PDK1: variants seen among roughly 807,000 people sequenced by gnomAD.
PDK1 encodes the protein [Pyruvate dehydrogenase (acetyl-transferring)] kinase isozyme 1, mitochondrial.
A neutral mutation model predicts 54.2 loss-of-function variants in PDK1; 39 were observed. The ratio of observed to expected loss-of-function variants is 0.72; its 90% CI spans 0.56 to 0.94. The LOEUF is 0.94. Ranked by LOEUF, PDK1 falls within the 40% of genes least tolerant of loss-of-function variation. The probability of loss-of-function intolerance (pLI) is 0.00; values close to 1 mark genes in which losing one functional copy is unlikely to be tolerated. For missense variants in PDK1, 552 were observed against 566.0 expected, an observed-to-expected ratio of 0.98 and a Z score of 0.25; for synonymous variants, 221 against 207.1, an observed-to-expected ratio of 1.07 and a Z score of -0.58.
chr2:172,637,808 GCCT>G, the PDK1 span, among the ~76,000 whole-genome samples: 3 of 152,136 alleles, frequency 2.0e-5, no homozygotes, highest in African/African-American at 7.2e-5. Context: ...CAATTCTCGT[GCCT>G]CAGCCTCCCG....
the PDK1 span, among the ~76,000 whole-genome samples, chr2:172,637,826 G>A: frequency 6.6e-6 from 1 of 152,224 alleles, no homozygotes; most frequent in Admixed American, 6.5e-5. Context: ...CTCCCGAGCA[G>A]CTGGGACTAC....
chr2:172,701,507 T>C, the PDK1 span, among the ~76,000 whole-genome samples: 2 of 152,172 alleles, frequency 1.3e-5, no homozygotes, highest in South Asian at 2.1e-4. Context: ...CTGGTGAAGA[T>C]TTGTAAGCCC....
the PDK1 span, among the ~76,000 whole-genome samples, chr2:172,687,315 A>T: frequency 5.3e-5 from 8 of 151,934 alleles, no homozygotes; most frequent in Admixed American, 5.2e-4. Flanking sequence ...CTATGAAATT[A>T]TCATTTATTT....
At chr2:172,560,565 A>G (rs1292190735) in intron 2 of PDK1, among the ~76,000 whole-genome samples, 1 of 152,212 alleles carries the variant, frequency 6.6e-6, no homozygotes, top group Non-Finnish European at 1.5e-5. Context: ...TCAAACCCCC[A>G]TTTGTCCATC....
chr2:172,598,757 G>C lies in PDK1; in HGVS notation c.*2788G>C, dbSNP rs1263532951. ...CATATTATTTTATAAAATGTTTTCTGTATGGCAATAAACTGAAAACATGGA... is the reference window on the plus strand; with the variant it reads ...CATATTATTTTATAAAATGTTTTCTCTATGGCAATAAACTGAAAACATGGA... On this transcript the variant is annotated 3_prime_UTR_variant, in exon 11 of 11. Coordinates refer to ENST00000282077, the MANE Select transcript of PDK1 (RefSeq NM_002610.5). 1 of 152,142 alleles carries C rather than the reference G, an allele frequency of 6.6e-6. No individual in the cohort carries two copies. Among genetic ancestry groups the C allele is most frequent in the Non-Finnish European group, 1.5e-5 (1 of 68,010 alleles). 9.4% of individuals were successfully genotyped at this position (152,142 alleles called of 1,614,324 possible). A position where few individuals can be genotyped will look rare whatever the true frequency, so the allele number is the denominator to read the frequency against.
chr2:172,570,622 T>C, intron 7 of PDK1, 104 bp from the exon 8 acceptor site: 2 of 563,096 alleles, frequency 3.6e-6, no homozygotes, highest in Middle Eastern at 2.7e-4. Context: ...CTTTGGCATA[T>C]TTCCATCAAA....
chr2:172,702,845 C>A, the PDK1 span, among the ~76,000 whole-genome samples: 1 of 152,128 alleles, frequency 6.6e-6, no homozygotes, highest in African/African-American at 2.4e-5. Context: ...GTACCCTGCC[C>A]ATATTCTCTT....
At chr2:172,584,113 T>C (rs1387527028) in intron 8 of PDK1, among the ~76,000 whole-genome samples, 3 of 152,150 alleles carry the variant, frequency 2.0e-5, no homozygotes, top group Admixed American at 6.5e-5. Context: ...TACGAACATA[T>C]CAGAAAGTTT....
chr2:172,590,311 T>G (rs1213692821), intron 9 of PDK1, among the ~76,000 whole-genome samples: 1 of 152,228 alleles, frequency 6.6e-6, no homozygotes, highest in Non-Finnish European at 1.5e-5. Context: ...TCTGGTAGGT[T>G]CTTGGTCTTG....
the PDK1 span, among the ~76,000 whole-genome samples, chr2:172,639,051 A>C: frequency 2.0e-5 from 3 of 152,358 alleles, no homozygotes; most frequent in African/African-American, 7.2e-5. Context: ...TTTAAAATAG[A>C]GACAAGGTCT....
the PDK1 span, among the ~76,000 whole-genome samples, chr2:172,683,757 AGAGGTTGG>A: frequency 2.0e-5 from 3 of 152,242 alleles, no homozygotes; most frequent in African/African-American, 7.2e-5. Flanking sequence ...TTCATCTTTA[AGAGGTTGG>A]GAAAATAGGG....
the PDK1 span, among the ~76,000 whole-genome samples, chr2:172,649,558 G>C: frequency 2.0e-4 from 30 of 151,952 alleles, no homozygotes; most frequent in Admixed American, 2.0e-3. Context: ...GAGGATGTTC[G>C]AACCCATCAC....
chr2:172,620,670 C>A, the PDK1 span, among the ~76,000 whole-genome samples: 1 of 152,126 alleles, frequency 6.6e-6, no homozygotes, highest in Non-Finnish European at 1.5e-5. Flanking sequence ...ACACCATCCC[C>A]TTGGTGCTGT....
intron 10 of PDK1, among the ~76,000 whole-genome samples, chr2:172,595,513 C>G (rs537677328): frequency 1.1e-4 from 16 of 152,256 alleles, no homozygotes; most frequent in African/African-American, 3.6e-4. Context: ...ATTTAACCAA[C>G]TTCTTCAGTT....
chr2:172,594,338 T>C lies in PDK1; in HGVS notation c.1170+1290T>C, dbSNP rs556138472. 1.5e-3 allele frequency among the ~76,000 whole-genome samples: 232 copies of C among 152,304 alleles called. 1 individual carries two copies. Among genetic ancestry groups the C allele is most frequent in the Non-Finnish European group, 2.7e-3 (185 of 68,018 alleles). On this transcript the variant is annotated intron_variant, in intron 10 of 10. Transcript: ENST00000282077. ...CCACACCTGGCCTAGTGCAATGTTTTTATGACAAAATGTAACATTTTGATC... is the reference window on the plus strand; with the variant it reads ...CCACACCTGGCCTAGTGCAATGTTTCTATGACAAAATGTAACATTTTGATC...
chr2:172,611,777 T>C (rs183107917), downstream of PDK1, among the ~76,000 whole-genome samples: 2 of 152,342 alleles, frequency 1.3e-5, no homozygotes, highest in East Asian at 1.9e-4. Context: ...AGAAACAGGC[T>C]GAAGAAGAGA....
At chr2:172,659,278 T>C in the PDK1 span, among the ~76,000 whole-genome samples, 10 of 152,168 alleles carry the variant, frequency 6.6e-5, no homozygotes, top group African/African-American at 2.4e-4. Flanking sequence ...ATCCAAACTA[T>C]AGCACAAATC....
Position 172,606,752 on chromosome 2 carries a change from AAAC to A in PDK1, c.*10784_*10786del, listed in dbSNP as rs1262761655. Reference sequence around the variant, plus strand: ...TCCTTTTTTTTTTAAAAAAAAAAAAAAACCTTTTTCATGTTGAAGTTCACATGA... The same window carrying A: ...TCCTTTTTTTTTTAAAAAAAAAAAAACTTTTTCATGTTGAAGTTCACATGA... On this transcript the variant is annotated 3_prime_UTR_variant, in exon 11 of 11. Transcript: ENST00000282077. 2 of 151,916 alleles carry A rather than the reference AAAC, an allele frequency of 1.3e-5. No homozygotes were observed. Among genetic ancestry groups the A allele is most frequent in the South Asian group, 2.1e-4 (1 of 4,824 alleles). The allele number at this position is 151,916 out of a possible 1,614,324, so 9.4% of individuals were successfully genotyped here.
the PDK1 span, among the ~76,000 whole-genome samples, chr2:172,704,879 G>C: frequency 6.6e-6 from 1 of 152,158 alleles, no homozygotes; most frequent in Non-Finnish European, 1.5e-5. Flanking sequence ...GAGGTAAAAA[G>C]TTATGGAGTC....
Sources: allele counts gnomAD v4.1 joint callset (sites outside exome capture counted in the v4.1 genomes callset), GRCh38; gene constraint gnomAD v4.1.1; transcripts MANE v1.5; gene names NCBI Gene and HGNC (gene_info 2026-07-23, HGNC 2026-07-21).